The following PLB1 variants were observed in gnomAD, a reference collection of about 807,000 sequenced individuals.
PLB1 encodes phospholipase B1, membrane-associated.
A neutral mutation model predicts 227.4 loss-of-function variants in PLB1; 242 were observed. That is an observed-to-expected ratio of 1.06 (90% CI 0.96 to 1.18). PLB1 has a LOEUF of 1.18. PLB1 is among the 50% of genes most tolerant of loss of function. PLB1 has a pLI of 0.00. For synonymous variants in PLB1, 757 were observed against 682.2 expected (o/e 1.11, Z -1.71); for missense variants, 1,858 against 1,816.3 (o/e 1.02, Z -0.42).
chr2:28,609,149 G>T (rs1685091486), intron 43 of PLB1, among the ~76,000 whole-genome samples: 2 of 152,116 alleles, frequency 1.3e-5, no homozygotes, highest in South Asian at 4.1e-4. Context: ...TTGAACTCTG[G>T]ACTCAAGTGA....
chr2:28,584,880 C>T (rs1680649335), intron 25 of PLB1, among the ~76,000 whole-genome samples: 2 of 152,210 alleles, frequency 1.3e-5, no homozygotes, highest in South Asian at 4.1e-4. Context: ...GCCAGGCAGA[C>T]TTGAGTTCAA....
At chr2:28,588,937 G>T (rs977082572) in intron 26 of PLB1, among the ~76,000 whole-genome samples, 1 of 151,958 alleles carries the variant, frequency 6.6e-6, no homozygotes, top group Non-Finnish European at 1.5e-5. Context: ...AGGCCGAGGC[G>T]GGTGGATCAC....
In PLB1 at chr2:28,496,090, C is replaced by G; in HGVS notation, c.-25C>G. On this transcript the variant is annotated 5_prime_UTR_variant, in exon 1 of 58. Coordinates refer to ENST00000327757, the MANE Select transcript of PLB1 (RefSeq NM_153021.5). ...TCTGCTGGAGCAGCTCTTCCAGAGG[C>G]CCGAGTCACCTGGAGCATTCTGGCA... 6.2e-7 allele frequency: 1 copy of G among 1,612,756 alleles called. No individual in the cohort carries two copies. Among genetic ancestry groups the G allele is most frequent in the Non-Finnish European group, 8.5e-7 (1 of 1,178,924 alleles).
rs1683348115 is a variant in PLB1, at chr2:28,598,557, C to T, written c.2366-95C>T. On this transcript the variant is annotated intron_variant, in intron 34 of 57. Transcript: ENST00000327757. ...CCCAGGAAGCATGAGGATGATAACA[C>T]AGCCCACTTTGGGGACCTAGGTCCC... The T allele has an allele frequency of 2.0e-5, 19 of 942,096 alleles. No individual in the cohort carries two copies. In the South Asian group the frequency reaches 2.6e-4, roughly 13 times the overall value. The allele number at this position is 942,096 out of a possible 1,614,324, so 58.4% of individuals were successfully genotyped here.
At chr2:28,555,001 C>T (rs927055741) in intron 17 of PLB1, among the ~76,000 whole-genome samples, 2 of 152,182 alleles carry the variant, frequency 1.3e-5, no homozygotes, top group South Asian at 4.2e-4. Context: ...CCCAAACACT[C>T]GCTCTCCACC....
chr2:28,559,618 C>A (rs1002254570), intron 17 of PLB1, among the ~76,000 whole-genome samples: 1 of 152,052 alleles, frequency 6.6e-6, no homozygotes, highest in African/African-American at 2.4e-5. Flanking sequence ...CAATGTTAAT[C>A]CGGCTTCCTG....
At chr2:28,519,587 G>A (rs1018683389) in intron 3 of PLB1, 118 bp from the exon 4 acceptor site, 30 of 727,666 alleles carry the variant, frequency 4.1e-5, no homozygotes, top group African/African-American at 3.9e-4. Flanking sequence ...CAACAGACTG[G>A]ACCTCCGCAG....
intron 14 of PLB1, among the ~76,000 whole-genome samples, chr2:28,543,675 C>T (rs1013659474): frequency 3.3e-5 from 5 of 152,276 alleles, no homozygotes; most frequent in Non-Finnish European, 4.4e-5. Context: ...CTGGAACAAG[C>T]GTGGGCTGCA....
At chr2:28,529,805 G>A in intron 8 of PLB1, 26 bp downstream of exon 8, 2 of 1,612,168 alleles carry the variant, frequency 1.2e-6, no homozygotes, top group Non-Finnish European at 1.7e-6. Context: ...ACTCTGGCAT[G>A]GCTGGGCTGC....
At chr2:28,578,806 T>C (rs983220537) in intron 22 of PLB1, among the ~76,000 whole-genome samples, 1 of 152,220 alleles carries the variant, frequency 6.6e-6, no homozygotes, top group African/African-American at 2.4e-5. Flanking sequence ...AAGTCTATTA[T>C]TGGGAGGTTC....
intron 31 of PLB1, among the ~76,000 whole-genome samples, chr2:28,591,966 C>T (rs1682033862): frequency 6.6e-6 from 1 of 152,192 alleles, no homozygotes; most frequent in Non-Finnish European, 1.5e-5. Flanking sequence ...ACCAAGGCAC[C>T]TAGGACCAGG....
At chr2:28,531,909 A>G (rs928513034) in intron 8 of PLB1, among the ~76,000 whole-genome samples, 199 bp from the exon 9 acceptor site, 14 of 152,350 alleles carry the variant, frequency 9.2e-5, no homozygotes, top group African/African-American at 3.4e-4. Context: ...TTAATTAAAA[A>G]AAAAGTTTTG....
chr2:28,547,459 G>A (rs1402437586), intron 14 of PLB1, among the ~76,000 whole-genome samples: 2 of 152,194 alleles, frequency 1.3e-5, no homozygotes, highest in African/African-American at 4.8e-5. Context: ...CTCCTTATCT[G>A]ATTCTCTTTC....
At chr2:28,597,125 A>G (rs979377857) in intron 33 of PLB1, among the ~76,000 whole-genome samples, 3 of 151,924 alleles carry the variant, frequency 2.0e-5, no homozygotes, top group African/African-American at 4.8e-5. Context: ...TTAGCTGGGC[A>G]TGGTGGCGGG....
chr2:28,520,651 T>C (rs1669407266), intron 4 of PLB1, among the ~76,000 whole-genome samples: 1 of 152,080 alleles, frequency 6.6e-6, no homozygotes, highest in South Asian at 2.1e-4. Context: ...ACTTTCCCTC[T>C]CTGTTTTGGC....
At chr2:28,582,655 G>A (rs1680233932) in intron 25 of PLB1, 150 bp downstream of exon 25, 3 of 648,518 alleles carry the variant, frequency 4.6e-6, no homozygotes, top group Non-Finnish European at 7.9e-6. Flanking sequence ...CTAAGGGGAG[G>A]ATATCCTAGG....
chr2:28,508,529 T>G (rs1667884322), intron 1 of PLB1, among the ~76,000 whole-genome samples: 1 of 152,232 alleles, frequency 6.6e-6, no homozygotes, highest in Admixed American at 6.5e-5. Flanking sequence ...ATGCAGCACC[T>G]GCTCACAGGT....
chr2:28,590,112 G>C, intron 29 of PLB1, 36 bp downstream of exon 29: 1 of 1,548,504 alleles, frequency 6.5e-7, no homozygotes, highest in Non-Finnish European at 8.9e-7. Context: ...GGCTCCGGCT[G>C]CACTGGGCTT....
At chr2:28,578,252 T>G (rs1573111055) in intron 22 of PLB1, 94 bp downstream of exon 22, 1 of 1,236,922 alleles carries the variant, frequency 8.1e-7, no homozygotes, top group African/African-American at 1.5e-5. Flanking sequence ...CCGGCTTGGG[T>G]TTCTAGCAGA....
Sources: allele counts gnomAD v4.1 joint callset (sites outside exome capture counted in the v4.1 genomes callset), GRCh38; gene constraint gnomAD v4.1.1; transcripts MANE v1.5; gene names NCBI Gene and HGNC (gene_info 2026-07-23, HGNC 2026-07-21).